Variants in ST6GAL1 observed in about 807,000 individuals in gnomAD.
ST6GAL1 encodes ST6 beta-galactoside alpha-2,6-sialyltransferase 1.
ST6GAL1 carries 20 observed loss-of-function variants against 38.0 expected under a neutral mutation model. The ratio of observed to expected loss-of-function variants is 0.53; its 90% CI spans 0.37 to 0.77. The LOEUF (loss-of-function observed/expected upper bound fraction) is 0.77, where lower values mean the gene tolerates loss of function less well. Ranked by LOEUF, ST6GAL1 falls within the 30% of genes least tolerant of loss-of-function variation. The probability of loss-of-function intolerance (pLI) is 0.00; values close to 1 mark genes in which losing one functional copy is unlikely to be tolerated. For missense variants in ST6GAL1, 432 were observed against 496.4 expected (o/e 0.87, Z 1.23); for synonymous variants, 196 against 188.2 (o/e 1.04, Z -0.34).
At chr3:187,015,820 C>T (rs528676227) in intron 2 of ST6GAL1, among the ~76,000 whole-genome samples, 1 of 152,064 alleles carries the variant, frequency 6.6e-6, no homozygotes, top group Admixed American at 6.6e-5. Flanking sequence ...GCCTGGGTGA[C>T]ACAGTGACAA....
At chr3:186,982,589 C>T (rs1715729989) in intron 2 of ST6GAL1, among the ~76,000 whole-genome samples, 1 of 152,114 alleles carries the variant, frequency 6.6e-6, no homozygotes, top group South Asian at 2.1e-4. Context: ...GAGCTTGAGA[C>T]CAAAGGGAAC....
intron 5 of ST6GAL1, among the ~76,000 whole-genome samples, chr3:187,071,502 C>G (rs1719370023): frequency 6.6e-6 from 1 of 151,760 alleles, no homozygotes; most frequent in Non-Finnish European, 1.5e-5. Context: ...GTAATCCCAG[C>G]ACTTTGGGAG....
intron 2 of ST6GAL1, among the ~76,000 whole-genome samples, chr3:187,019,829 T>A (rs1004638514): frequency 3.3e-5 from 5 of 152,178 alleles, no homozygotes; most frequent in Non-Finnish European, 7.3e-5. Context: ...GTGAGGTTTG[T>A]GCACTAAAGA....
At chr3:186,975,408 T>A (rs1401498037) in intron 2 of ST6GAL1, among the ~76,000 whole-genome samples, 3 of 152,110 alleles carry the variant, frequency 2.0e-5, no homozygotes, top group Non-Finnish European at 4.4e-5. Context: ...TAGTATTAGA[T>A]GATGTGGACT....
chr3:187,064,872 C>A lies in ST6GAL1; in HGVS notation c.706-7977C>A, dbSNP rs77373635. Among the ~76,000 whole-genome samples the A allele has an allele frequency of 5.0e-3, 769 of 152,346 alleles. 8 individuals carry two copies. The East Asian group carries it at 0.061, about 12-fold the overall frequency. On this transcript the variant is annotated intron_variant, in intron 5 of 7. Transcript: ENST00000169298. ...GATTAGTAAACGGGGTCCCCACCCC[C>A]ACTCCACAAGGAGAACATCTGGCAC...
In ST6GAL1 at chr3:187,061,410, C is replaced by T. The variant is rs374827927; in HGVS notation, c.705+10064C>T. On this transcript the variant is annotated intron_variant, in intron 5 of 7. Transcript: ENST00000169298. Reference sequence around the variant, plus strand: ...ATTTATATGAAACCTCAAGGGACCCCGATTAACCAAACAATCCTGAAAAAT... The same window carrying T: ...ATTTATATGAAACCTCAAGGGACCCTGATTAACCAAACAATCCTGAAAAAT... Among the ~76,000 whole-genome samples, 163 of 152,144 alleles carry T rather than the reference C, an allele frequency of 1.1e-3. 5 individuals carry two copies. In the South Asian group the frequency reaches 0.03, roughly 28 times the overall value.
At chr3:187,023,889 AT>A (rs1402897493) in intron 2 of ST6GAL1, among the ~76,000 whole-genome samples, 3 of 147,932 alleles carry the variant, frequency 2.0e-5, no homozygotes, top group Non-Finnish European at 3.0e-5. Flanking sequence ...TATAATAATA[AT>A]TAAAAAAAAA....
chr3:187,003,053 C>T (rs965197195), intron 2 of ST6GAL1, among the ~76,000 whole-genome samples: 4 of 152,186 alleles, frequency 2.6e-5, no homozygotes, highest in African/African-American at 4.8e-5. Flanking sequence ...GGTGCAGTTC[C>T]AGTCTGAGTC....
chr3:187,051,117 G>A lies in ST6GAL1; in HGVS notation c.608-132G>A, dbSNP rs570444441. On this transcript the variant is annotated intron_variant, in intron 4 of 7. Coordinates refer to ENST00000169298, the MANE Select transcript of ST6GAL1 (RefSeq NM_173216.2). ...AGCACCACACAAATACTGCCATTTCGCCCTGTGGATCATGATGGGGTAAAG... is the reference window on the plus strand; with the variant it reads ...AGCACCACACAAATACTGCCATTTCACCCTGTGGATCATGATGGGGTAAAG... 42 of 761,222 alleles carry A rather than the reference G, an allele frequency of 5.5e-5. No homozygotes were observed. The East Asian group carries it at 7.6e-4, about 14-fold the overall frequency. The allele number at this position is 761,222 out of a possible 1,614,324, so 47.2% of individuals were successfully genotyped here. A position where few individuals can be genotyped will look rare whatever the true frequency, so the allele number is the denominator to read the frequency against.
At chr3:186,940,848 C>T (rs1190567436) in intron 1 of ST6GAL1, among the ~76,000 whole-genome samples, 1 of 144,582 alleles carries the variant, frequency 6.9e-6, no homozygotes, top group African/African-American at 2.6e-5. Flanking sequence ...CCTTACCAAT[C>T]TTCTGTTGAT....
intron 5 of ST6GAL1, among the ~76,000 whole-genome samples, chr3:187,062,332 C>T (rs539227284): frequency 2.6e-5 from 4 of 152,088 alleles, no homozygotes; most frequent in South Asian, 4.2e-4. Context: ...TATTTATTGG[C>T]GTATATGTAC....
intron 1 of ST6GAL1, among the ~76,000 whole-genome samples, chr3:186,959,684 ATCT>A (rs2108525210): frequency 6.6e-6 from 1 of 152,318 alleles, no homozygotes; most frequent in African/African-American, 2.4e-5. Context: ...AAGTCTCCTT[ATCT>A]TAGCAGACGT....
intron 1 of ST6GAL1, among the ~76,000 whole-genome samples, chr3:186,932,794 T>A (rs1161987918): frequency 6.6e-6 from 1 of 152,214 alleles, no homozygotes; most frequent in Non-Finnish European, 1.5e-5. Context: ...TGGAAGTAGC[T>A]GCTTATTTTT....
chr3:186,990,142 T>A (rs1309833510), intron 2 of ST6GAL1, among the ~76,000 whole-genome samples: 2 of 152,266 alleles, frequency 1.3e-5, no homozygotes, highest in East Asian at 3.8e-4. Context: ...CAAGCGATTC[T>A]CCTGCCTTGG....
chr3:186,950,563 C>G (rs1167375949), intron 1 of ST6GAL1, among the ~76,000 whole-genome samples: 3 of 152,192 alleles, frequency 2.0e-5, no homozygotes, highest in African/African-American at 7.2e-5. Context: ...AGTGCAGGCT[C>G]CAGGTCATGT....
At chr3:187,040,480 T>C (rs1718089377) in intron 3 of ST6GAL1, among the ~76,000 whole-genome samples, 2 of 152,256 alleles carry the variant, frequency 1.3e-5, no homozygotes, top group Admixed American at 1.3e-4. Context: ...ATTCTGGTTC[T>C]AGAACTGACT....
intron 1 of ST6GAL1, among the ~76,000 whole-genome samples, chr3:186,961,784 T>G (rs1240500689): frequency 2.0e-5 from 3 of 151,908 alleles, no homozygotes; most frequent in Admixed American, 1.3e-4. Context: ...TGGCCTGGAG[T>G]GAAAGGAAGG....
chr3:187,058,397 G>A (rs1718793818), intron 5 of ST6GAL1, among the ~76,000 whole-genome samples: 1 of 152,186 alleles, frequency 6.6e-6, no homozygotes, highest in Non-Finnish European at 1.5e-5. Flanking sequence ...GGGAGCTGCA[G>A]ACCAGAGCTG....
chr3:187,016,598 C>G (rs569207906), intron 2 of ST6GAL1, among the ~76,000 whole-genome samples: 1 of 152,222 alleles, frequency 6.6e-6, no homozygotes, highest in African/African-American at 2.4e-5. Flanking sequence ...GTGGATCTGT[C>G]CCCCAAAGAA....
Sources: gnomAD v4.1 joint callset for allele counts (sites outside exome capture counted in the v4.1 genomes callset) on GRCh38, gnomAD v4.1.1 for gene constraint, MANE v1.5 for transcripts, NCBI Gene and HGNC (gene_info 2026-07-23, HGNC 2026-07-21) for gene names.